Variants in CDH18 observed in about 807,000 individuals in gnomAD.
The protein encoded by CDH18 is cadherin 18.
Under a neutral mutation model 67.9 loss-of-function variants are expected in CDH18, and 31 were observed. That is an observed-to-expected ratio of 0.46 (90% CI 0.34 to 0.62). The LOEUF is 0.62. Ranked by LOEUF, CDH18 falls within the 20% of genes least tolerant of loss-of-function variation. The pLI is 0.01. For synonymous variants in CDH18, 362 were observed against 347.2 expected, an observed-to-expected ratio of 1.04 and a Z score of -0.48; for missense variants, 890 against 975.5, an observed-to-expected ratio of 0.91 and a Z score of 1.17.
At chr5:19,638,132 A>G (rs1753431887) in intron 5 of CDH18, among the ~76,000 whole-genome samples, 1 of 152,234 alleles carries the variant, frequency 6.6e-6, no homozygotes, top group Non-Finnish European at 1.5e-5. Context: ...TTAATACATA[A>G]CAAGTCGACA....
intron 1 of CDH18, among the ~76,000 whole-genome samples, chr5:20,477,731 G>C (rs1281859854): frequency 6.6e-6 from 1 of 152,192 alleles, no homozygotes; most frequent in East Asian, 1.9e-4. Context: ...TGCTTGGAAA[G>C]TCCTGGTGCT....
chr5:19,776,813 TG>T lies in CDH18; in HGVS notation c.229-29578del, dbSNP rs1774439427. Among the ~76,000 whole-genome samples the T allele has an allele frequency of 2.0e-5, 3 of 152,326 alleles. No homozygotes were observed. The East Asian group carries it at 5.8e-4, about 29-fold the overall frequency. On this transcript the variant is annotated intron_variant, in intron 3 of 12. Transcript: ENST00000382275. ...AACAATGTAAATGTTCCATAAGTTTTGGTTTTCTCATTTGAAAAGTAGAAAT... is the reference window on the plus strand; with the variant it reads ...AACAATGTAAATGTTCCATAAGTTTTGTTTTCTCATTTGAAAAGTAGAAAT...
rs376578224 is a variant in CDH18, at chr5:19,923,331, A to G, written c.-257+57729T>C. Among the ~76,000 whole-genome samples, 104 of 152,314 alleles carry G rather than the reference A, an allele frequency of 6.8e-4. No homozygotes were observed. In the South Asian group the frequency reaches 0.019, roughly 28 times the overall value. The stretch of plus-strand genomic sequence containing the variant: ...CTCCAGAAAACATGAAACAGAGACA[A>G]GTTATCCTCTCTGAGCCCTGTCTGA... On this transcript the variant is annotated intron_variant, in intron 2 of 12. Coordinates refer to ENST00000382275, the MANE Select transcript of CDH18 (RefSeq NM_004934.5).
intron 1 of CDH18, chr5:20,304,297 A>T: frequency 1.2e-6 from 2 of 1,601,908 alleles, no homozygotes; most frequent in Non-Finnish European, 8.6e-7. Context: ...GATTTGCTGT[A>T]GGTTTTAAAT....
chr5:19,815,906 C>A (rs1015020114), intron 3 of CDH18, among the ~76,000 whole-genome samples: 9 of 151,830 alleles, frequency 5.9e-5, no homozygotes, highest in Non-Finnish European at 1.2e-4. Context: ...TGATAGGACA[C>A]AGGTAAACAG....
intron 4 of CDH18, among the ~76,000 whole-genome samples, chr5:19,735,442 G>A (rs1011827471): frequency 6.0e-4 from 90 of 149,434 alleles, no homozygotes; most frequent in African/African-American, 2.2e-3. Flanking sequence ...TGTCGCCCAG[G>A]CTGGAATGCA....
chr5:20,493,766 G>A (rs891059009), intron 1 of CDH18, among the ~76,000 whole-genome samples: 1 of 152,028 alleles, frequency 6.6e-6, no homozygotes, highest in African/African-American at 2.4e-5. Flanking sequence ...TGGGTAAATT[G>A]CCTTAGAGTT....
At chr5:20,097,708 A>G (rs1561788426) in intron 2 of CDH18, among the ~76,000 whole-genome samples, 1 of 152,176 alleles carries the variant, frequency 6.6e-6, no homozygotes, top group South Asian at 2.1e-4. Flanking sequence ...GATCTGATTA[A>G]GATGGATTTG....
At chr5:20,122,749 A>G (rs1748469727) in intron 2 of CDH18, among the ~76,000 whole-genome samples, 1 of 150,524 alleles carries the variant, frequency 6.6e-6, no homozygotes, top group African/African-American at 2.4e-5. Context: ...TGACTATTTT[A>G]AAAGCAGATT....
At chr5:20,299,515 C>T (rs1747795108) in intron 1 of CDH18, among the ~76,000 whole-genome samples, 1 of 151,820 alleles carries the variant, frequency 6.6e-6, no homozygotes, top group Non-Finnish European at 1.5e-5. Flanking sequence ...AATTCCAGCA[C>T]TTTGGGAGCC....
intron 1 of CDH18, among the ~76,000 whole-genome samples, chr5:20,308,498 G>A (rs1736686780): frequency 6.6e-6 from 1 of 150,960 alleles, no homozygotes; most frequent in African/African-American, 2.4e-5. Flanking sequence ...AGTGGAGATC[G>A]TGCCACTGGA....
intron 1 of CDH18, among the ~76,000 whole-genome samples, chr5:20,502,089 A>G (rs191265191): frequency 7.9e-5 from 12 of 152,266 alleles, no homozygotes; most frequent in Admixed American, 7.8e-4. Flanking sequence ...TGTTCCTGTC[A>G]GCCTATTCCA....
chr5:20,362,291 C>T (rs1444839319), intron 1 of CDH18, among the ~76,000 whole-genome samples: 2 of 151,988 alleles, frequency 1.3e-5, no homozygotes, highest in Non-Finnish European at 2.9e-5. Flanking sequence ...CAAAATGGGA[C>T]TGGGCTCAAT....
chr5:19,997,209 T>C (rs113636054), intron 2 of CDH18, among the ~76,000 whole-genome samples: 1,736 of 152,162 alleles, frequency 0.011, 18 homozygotes, highest in Non-Finnish European at 0.017. Context: ...ATAAAATATT[T>C]TAAAAAGCAA....
At chr5:20,378,266 G>A (rs913912785) in intron 1 of CDH18, among the ~76,000 whole-genome samples, 1 of 152,122 alleles carries the variant, frequency 6.6e-6, no homozygotes. Context: ...CCGCCTCCCG[G>A]GTTCACGCCA....
intron 1 of CDH18, among the ~76,000 whole-genome samples, chr5:19,986,104 T>C (rs1208550751): frequency 6.6e-6 from 1 of 152,202 alleles, no homozygotes; most frequent in Admixed American, 6.5e-5. Context: ...AAAAAGTACT[T>C]TATATTTATA....
At chr5:19,726,297 ACT>A (rs1323625977) in intron 4 of CDH18, among the ~76,000 whole-genome samples, 3 of 152,120 alleles carry the variant, frequency 2.0e-5, no homozygotes, top group African/African-American at 4.8e-5. Context: ...ATATATAGTA[ACT>A]CTCTGCCCTG....
chr5:19,678,286 G>A (rs1412616196), intron 5 of CDH18, among the ~76,000 whole-genome samples: 2 of 148,170 alleles, frequency 1.3e-5, no homozygotes, highest in Non-Finnish European at 3.0e-5. Context: ...ACACACTCTC[G>A]GACAACAGTG....
At chr5:19,999,090 T>C (rs781744673) in intron 2 of CDH18, among the ~76,000 whole-genome samples, 4 of 152,024 alleles carry the variant, frequency 2.6e-5, no homozygotes, top group Non-Finnish European at 5.9e-5. Flanking sequence ...TAAAAGATAA[T>C]AAGGTGCTAA....
Sources: allele counts gnomAD v4.1 joint callset (sites outside exome capture counted in the v4.1 genomes callset), GRCh38; gene constraint gnomAD v4.1.1; transcripts MANE v1.5; gene names NCBI Gene and HGNC (gene_info 2026-07-23, HGNC 2026-07-21).